KNDC1: variants seen among roughly 807,000 people sequenced by gnomAD.
KNDC1 encodes kinase non-catalytic C-lobe domain containing 1.
In KNDC1, 106 loss-of-function variants were observed where a neutral mutation model predicts 172.8. The observed-to-expected ratio is 0.61, with a 90% CI of 0.52 to 0.72. KNDC1 has a LOEUF of 0.72. KNDC1 is among the 30% of genes least tolerant of loss of function. The pLI is 0.00. For missense variants in KNDC1, 2,325 were observed against 2,394.5 expected (o/e 0.97, Z 0.61); for synonymous variants, 1,083 against 1,062.2 (o/e 1.02, Z -0.38).
intron 28 of KNDC1, among the ~76,000 whole-genome samples, 179 bp from the exon 29 acceptor site, chr10:133,219,776 C>T (rs1845543633): frequency 6.6e-6 from 1 of 152,214 alleles, no homozygotes; most frequent in Non-Finnish European, 1.5e-5. Flanking sequence ...CAGGTGTGAG[C>T]CAAGTCCAAC....
chr10:133,195,810 G>A lies in KNDC1; in HGVS notation c.1723G>A (p.Glu575Lys), dbSNP rs758555414. 1 of 1,565,224 alleles carries A rather than the reference G, an allele frequency of 6.4e-7. No individual in the cohort carries two copies. Among genetic ancestry groups the A allele is most frequent in the Admixed American group, 1.9e-5 (1 of 53,502 alleles). ...RSAPERPSAA[E>K]AIKVCGSYLL... Reference sequence around the variant, plus strand: ...TGCCCCGGAGCGGCCGTCCGCGGCTGAGGCCATCAAGGTAACCACACCACA... The same window carrying A: ...TGCCCCGGAGCGGCCGTCCGCGGCTAAGGCCATCAAGGTAACCACACCACA... The change falls in exon 10 of 30, where the codon GAG becomes AAG. Residue 575 changes from glutamate (E) to lysine (K), a missense_variant. Coordinates refer to ENST00000304613, the MANE Select transcript of KNDC1 (RefSeq NM_152643.8).
chr10:133,215,852 G>A lies in KNDC1; in HGVS notation c.4677+1730G>A, dbSNP rs183713735. ...GTGCAGGCTCACACCCAGGGCTGCT[G>A]GCACCCAGCGTGGCCGGGACAGAGC... On this transcript the variant is annotated intron_variant, in intron 26 of 29. Coordinates refer to ENST00000304613, the MANE Select transcript of KNDC1 (RefSeq NM_152643.8). Among the ~76,000 whole-genome samples the A allele has an allele frequency of 2.0e-5, 3 of 152,390 alleles. No homozygotes were observed. The East Asian group carries it at 5.8e-4, about 29-fold the overall frequency.
chr10:133,207,246 C>A lies in KNDC1; in HGVS notation c.3689C>A (p.Ser1230Tyr). The change falls in exon 20 of 30, where the codon TCC becomes TAC. Residue 1230 changes from serine to tyrosine, a missense_variant. Coordinates refer to ENST00000304613, the MANE Select transcript of KNDC1 (RefSeq NM_152643.8). ...TLDFSPLDES[S>Y]SLIFYNVNKH... Reference sequence around the variant, plus strand: ...GACTTCAGCCCCCTGGACGAGTCCTCCTCGCTCATCTTCTACAACGTCAAC... The same window carrying A: ...GACTTCAGCCCCCTGGACGAGTCCTACTCGCTCATCTTCTACAACGTCAAC... 1.2e-6 allele frequency: 2 copies of A among 1,613,060 alleles called. No homozygotes were observed. Among genetic ancestry groups the A allele is most frequent in the Non-Finnish European group, 1.7e-6 (2 of 1,179,980 alleles).
chr10:133,201,390 AAG>A, intron 16 of KNDC1, 109 bp from the exon 17 acceptor site: 1 of 1,224,192 alleles, frequency 8.2e-7, no homozygotes, highest in Admixed American at 2.3e-5. Context: ...GGGCGGGTGC[AAG>A]AGAGAAGGGC....
At chr10:133,200,626 G>C (rs920878812) in intron 16 of KNDC1, among the ~76,000 whole-genome samples, 166 bp downstream of exon 16, 2 of 152,136 alleles carry the variant, frequency 1.3e-5, no homozygotes, top group Non-Finnish European at 2.9e-5. Flanking sequence ...TCTCCTGGGG[G>C]TGCCCAGCCA....
intron 26 of KNDC1, 35 bp from the exon 27 acceptor site, chr10:133,218,796 C>CA (rs763510347): frequency 1.2e-6 from 2 of 1,601,202 alleles, no homozygotes; most frequent in East Asian, 4.5e-5. Flanking sequence ...CATCTTAAAC[C>CA]AGAAGACGCT....
Position 133,186,080 on chromosome 10 carries a change from A to T in KNDC1, c.732A>T (p.Glu244Asp), listed in dbSNP as rs745692091. 1.9e-6 allele frequency: 3 copies of T among 1,599,448 alleles called. No homozygotes were observed. The Admixed American group carries it at 5.1e-5, about 27-fold the overall frequency. Residue 244 changes from glutamate to aspartate, a missense_variant, in exon 6 of 30, where the codon GAA becomes GAT. Transcript: ENST00000304613. ...ACCCGGAGGTTCTGCCGACCCCCGA[A>T]GGCCCGGAGTCTGAGACGAGCCGGG... The part of the protein sequence containing the change: ...STDPEVLPTP[E>D]GPESETSRGP...
chr10:133,221,489 T>G (rs899270069), intron 29 of KNDC1, among the ~76,000 whole-genome samples: 1 of 151,984 alleles, frequency 6.6e-6, no homozygotes, highest in African/African-American at 2.4e-5. Flanking sequence ...TCGGCCTCAC[T>G]CTCTCCCTCA....
chr10:133,178,427 T>C (rs148402454), intron 3 of KNDC1, among the ~76,000 whole-genome samples: 109 of 152,274 alleles, frequency 7.2e-4, no homozygotes, highest in African/African-American at 2.5e-3. Flanking sequence ...TTAGCGAAAC[T>C]ACAGCAAGTT....
intron 19 of KNDC1, 53 bp downstream of exon 19, chr10:133,207,006 G>A: frequency 1.3e-6 from 2 of 1,565,394 alleles, no homozygotes; most frequent in Non-Finnish European, 1.8e-6. Context: ...CTTCAGACGG[G>A]CCTCCCACTG....
chr10:133,180,740 C>T (rs1284876111), intron 3 of KNDC1, among the ~76,000 whole-genome samples: 1 of 152,254 alleles, frequency 6.6e-6, no homozygotes, highest in Non-Finnish European at 1.5e-5. Flanking sequence ...CTGAGGCGAG[C>T]CCTGATGCGC....
At chr10:133,179,773 C>T (rs1389007575) in intron 3 of KNDC1, among the ~76,000 whole-genome samples, 2 of 152,144 alleles carry the variant, frequency 1.3e-5, no homozygotes, top group Non-Finnish European at 2.9e-5. Flanking sequence ...CAGAGAGGCC[C>T]GGAGCAGGAA....
intron 1 of KNDC1, among the ~76,000 whole-genome samples, chr10:133,165,167 T>C (rs1853108393): frequency 6.6e-6 from 1 of 152,164 alleles, no homozygotes; most frequent in African/African-American, 2.4e-5. Context: ...AGGGGAGGCT[T>C]CAGCCACAGA....
At position 133,211,904 on chromosome 10, in the gene KNDC1, G is replaced by A. The variant is rs758528519; in HGVS notation, c.4236+46G>A. 1.9e-6 allele frequency: 3 copies of A among 1,555,066 alleles called. No individual in the cohort carries two copies. The East Asian group carries it at 6.8e-5, about 35-fold the overall frequency. ...AGGTCCTCCCTGGACAGGCGGATGT[G>A]GGTCCCTGAGCCCAGCCTCAAAGAC... On this transcript the variant is annotated intron_variant, in intron 23 of 29. Coordinates refer to ENST00000304613, the MANE Select transcript of KNDC1 (RefSeq NM_152643.8).
In KNDC1 at chr10:133,186,109, C is replaced by CCAGA. The variant is rs2135978579; in HGVS notation, c.762_765dup (p.Ala256GlnfsTer56). On this transcript the variant is annotated frameshift_variant, in exon 6 of 30. Coordinates refer to ENST00000304613, the MANE Select transcript of KNDC1 (RefSeq NM_152643.8). LOFTEE classifies it high-confidence loss of function. ...CCGGAGTCTGAGACGAGCCGGGGCC[C>CCAGA]CAGAGCCTCCCCAACCAAGGCTCTG... 1 of 1,597,730 alleles carries CCAGA rather than the reference C, an allele frequency of 6.3e-7. No homozygotes were observed. The highest frequency in any genetic ancestry group is 1.3e-5 in the African/African-American group (1 of 74,746).
chr10:133,189,830 CACCCTGCCCCA>C lies in KNDC1; in HGVS notation c.1575+18_1575+28del. ...ACTGAAAAGGTACCCGGGCCCTCCC[CACCCTGCCCCA>C]GCCCTGCCCCCAGCCCTCGGGGATG... On this transcript the variant is annotated intron_variant, in intron 9 of 29. Transcript: ENST00000304613. The C allele has an allele frequency of 6.2e-7, 1 of 1,604,970 alleles. No homozygotes were observed. The highest frequency in any genetic ancestry group is 8.5e-7 in the Non-Finnish European group (1 of 1,174,564).
chr10:133,175,703 C>A (rs1035495816), intron 3 of KNDC1, among the ~76,000 whole-genome samples: 5 of 138,242 alleles, frequency 3.6e-5, no homozygotes, highest in Non-Finnish European at 7.8e-5. Flanking sequence ...GATGAACAGT[C>A]GGATAGGGAT....
intron 1 of KNDC1, among the ~76,000 whole-genome samples, chr10:133,165,188 T>C (rs1853109014): frequency 6.6e-6 from 1 of 152,184 alleles, no homozygotes; most frequent in African/African-American, 2.4e-5. Context: ...CCCCATGGAA[T>C]TCACCGCTAA....
In KNDC1 at chr10:133,210,590, G is replaced by A. The variant is rs182867810; in HGVS notation, c.3795-21G>A. On this transcript the variant is annotated intron_variant, in intron 20 of 29. Coordinates refer to ENST00000304613, the MANE Select transcript of KNDC1 (RefSeq NM_152643.8). ...GGTGCGGCCACCCCACCACCTCACC[G>A]CCGCCCGCCCCGCCCCACAGTGATG... The A allele has an allele frequency of 1.2e-3, 1,309 of 1,076,858 alleles. 12 individuals carry two copies. In the African/African-American group the frequency reaches 0.019, roughly 15 times the overall value. The allele number at this position is 1,076,858 out of a possible 1,614,324, so 66.7% of individuals were successfully genotyped here.
Sources: gnomAD v4.1 joint callset for allele counts (sites outside exome capture counted in the v4.1 genomes callset) on GRCh38, gnomAD v4.1.1 for gene constraint, MANE v1.5 for transcripts, NCBI Gene and HGNC (gene_info 2026-07-23, HGNC 2026-07-21) for gene names.